RAB38: variants seen among roughly 807,000 people sequenced by gnomAD.
RAB38 encodes RAB38, member RAS oncogene family.
In RAB38, 15 loss-of-function variants were observed where a neutral mutation model predicts 18.4. That is an observed-to-expected ratio of 0.82 (90% CI 0.55 to 1.26). The LOEUF (loss-of-function observed/expected upper bound fraction) is 1.26, where lower values mean the gene tolerates loss of function less well. Among genes scored for constraint, RAB38 ranks in the 50% most tolerant of loss-of-function variants. RAB38 has a pLI of 0.00. For missense variants in RAB38, 294 were observed against 267.4 expected, an observed-to-expected ratio of 1.10 and a Z score of -0.69; for synonymous variants, 101 against 104.4, an observed-to-expected ratio of 0.97 and a Z score of 0.20.
At chr11:87,821,395 A>AT in the RAB38 span, among the ~76,000 whole-genome samples, 41 of 152,220 alleles carry the variant, frequency 2.7e-4, no homozygotes, top group Middle Eastern at 3.2e-3. Flanking sequence ...GAACAAAGGA[A>AT]TTTTCAGACG....
chr11:88,063,167 C>T, the RAB38 span, among the ~76,000 whole-genome samples: 1 of 152,200 alleles, frequency 6.6e-6, no homozygotes, highest in South Asian at 2.1e-4. Flanking sequence ...GAATTTACAA[C>T]TATATCTATA....
the RAB38 span, among the ~76,000 whole-genome samples, chr11:87,861,030 T>C: frequency 6.6e-6 from 1 of 151,980 alleles, no homozygotes; most frequent in African/African-American, 2.4e-5. Flanking sequence ...GTGAAATTAT[T>C]CACGCTTTAT....
the RAB38 span, among the ~76,000 whole-genome samples, chr11:87,845,591 A>T: frequency 1.3e-5 from 2 of 152,102 alleles, no homozygotes; most frequent in Non-Finnish European, 2.9e-5. Flanking sequence ...GCTCCAAAAA[A>T]GGGGTGGGGT....
chr11:87,935,917 A>C, the RAB38 span, among the ~76,000 whole-genome samples: 9 of 152,252 alleles, frequency 5.9e-5, no homozygotes, highest in South Asian at 1.9e-3. Flanking sequence ...GATGTTTTAT[A>C]TCGTTCATGT....
chr11:87,905,896 A>T, the RAB38 span, among the ~76,000 whole-genome samples: 2 of 151,968 alleles, frequency 1.3e-5, no homozygotes, highest in African/African-American at 4.8e-5. Context: ...TGCAAATTCC[A>T]GTCCCTTACA....
Position 88,145,657 on chromosome 11 carries a change from G to A in RAB38, c.483+4018C>T, listed in dbSNP as rs548014796. ...AGAAGGGCAGGGTCTTTATCCTAAA[G>A]AAACAGATCTGCCAAAGCAGATTAT... On this transcript the variant is annotated intron_variant, in intron 2 of 2. Coordinates refer to ENST00000243662, the MANE Select transcript of RAB38 (RefSeq NM_022337.3). 4.6e-5 allele frequency among the ~76,000 whole-genome samples: 7 copies of A among 152,228 alleles called. No homozygotes were observed. The East Asian group carries it at 1.4e-3, about 29-fold the overall frequency.
At chr11:87,869,854 A>T in the RAB38 span, among the ~76,000 whole-genome samples, 1 of 151,666 alleles carries the variant, frequency 6.6e-6, no homozygotes, top group African/African-American at 2.4e-5. Flanking sequence ...CACATTCACA[A>T]AAGGGTATGC....
the RAB38 span, among the ~76,000 whole-genome samples, chr11:87,938,222 T>C: frequency 1.4e-4 from 22 of 152,238 alleles, no homozygotes; most frequent in African/African-American, 5.1e-4. Flanking sequence ...TCATGGGATC[T>C]TTCCTGACAC....
At chr11:87,895,663 T>G in the RAB38 span, among the ~76,000 whole-genome samples, 2 of 151,606 alleles carry the variant, frequency 1.3e-5, no homozygotes, top group Non-Finnish European at 3.0e-5. Flanking sequence ...ACCGGCTGAT[T>G]TAAGGGGAGG....
At chr11:88,004,033 A>G in the RAB38 span, among the ~76,000 whole-genome samples, 1 of 139,408 alleles carries the variant, frequency 7.2e-6, no homozygotes, top group Admixed American at 7.7e-5. Flanking sequence ...CTTCTATTTT[A>G]TATATATATG....
the RAB38 span, among the ~76,000 whole-genome samples, chr11:88,107,713 G>A: frequency 1.3e-5 from 2 of 151,938 alleles, no homozygotes; most frequent in African/African-American, 4.8e-5. Flanking sequence ...GTGATTTTAG[G>A]GTGTCAGTTT....
chr11:88,111,558 T>C (rs1942474081), downstream of RAB38, among the ~76,000 whole-genome samples: 1 of 152,162 alleles, frequency 6.6e-6, no homozygotes, highest in Non-Finnish European at 1.5e-5. Context: ...AAGTAGATTA[T>C]TAAAAGTAAC....
the RAB38 span, among the ~76,000 whole-genome samples, chr11:87,887,879 A>G: frequency 1.3e-5 from 2 of 152,000 alleles, no homozygotes; most frequent in South Asian, 4.1e-4. Flanking sequence ...TATAAGAAAA[A>G]CCAGTTTGAC....
chr11:88,116,536 G>T (rs1399220435), intron 2 of RAB38, among the ~76,000 whole-genome samples: 2 of 152,182 alleles, frequency 1.3e-5, no homozygotes, highest in African/African-American at 4.8e-5. Context: ...ACAGCAAGTG[G>T]GCTGGGAGGC....
chr11:88,089,588 C>T, the RAB38 span, among the ~76,000 whole-genome samples: 19,488 of 151,878 alleles, frequency 0.13, 1,387 homozygotes, highest in Admixed American at 0.2. Context: ...TGACTGGCTT[C>T]GCCACATACT....
At chr11:88,147,282 G>C (rs1204916210) in intron 2 of RAB38, among the ~76,000 whole-genome samples, 1 of 152,150 alleles carries the variant, frequency 6.6e-6, no homozygotes, top group Non-Finnish European at 1.5e-5. Flanking sequence ...ACAGGTATTT[G>C]ATAATATTTA....
chr11:87,927,870 C>T, the RAB38 span, among the ~76,000 whole-genome samples: 293 of 151,766 alleles, frequency 1.9e-3, 1 homozygote, highest in East Asian at 0.016. Context: ...AGTTCCAGAC[C>T]GGCCTGGGCA....
At chr11:88,095,034 T>G in the RAB38 span, among the ~76,000 whole-genome samples, 1 of 151,868 alleles carries the variant, frequency 6.6e-6, no homozygotes, top group Non-Finnish European at 1.5e-5. Context: ...CTAGATCCTC[T>G]TTTCTCACTC....
At chr11:87,889,609 A>G in the RAB38 span, among the ~76,000 whole-genome samples, 1 of 151,904 alleles carries the variant, frequency 6.6e-6, no homozygotes, top group African/African-American at 2.4e-5. Context: ...TAACATCTCT[A>G]CAACAAAGGC....
Sources: allele counts gnomAD v4.1 joint callset (sites outside exome capture counted in the v4.1 genomes callset), GRCh38; gene constraint gnomAD v4.1.1; transcripts MANE v1.5; gene names NCBI Gene and HGNC (gene_info 2026-07-23, HGNC 2026-07-21).